Variants in PABPC4L observed in about 807,000 individuals in gnomAD.
PABPC4L encodes polyadenylate-binding protein 4-like.
For missense variants in PABPC4L, 452 were observed against 451.4 expected, an observed-to-expected ratio of 1.00 and a Z score of -0.01; for synonymous variants, 169 against 164.1, an observed-to-expected ratio of 1.03 and a Z score of -0.23.
chr4:133,973,341 T>C, the PABPC4L span, among the ~76,000 whole-genome samples: 21 of 150,944 alleles, frequency 1.4e-4, no homozygotes, highest in East Asian at 4.1e-3. Context: ...TACAAAAATC[T>C]GATGCCCCAT....
chr4:134,072,620 C>T, the PABPC4L span, among the ~76,000 whole-genome samples: 1 of 152,036 alleles, frequency 6.6e-6, no homozygotes, highest in Admixed American at 6.6e-5. Context: ...AGCAGACACC[C>T]ATATATCTTG....
the PABPC4L span, among the ~76,000 whole-genome samples, chr4:134,129,574 C>G: frequency 6.6e-6 from 1 of 151,778 alleles, no homozygotes; most frequent in Non-Finnish European, 1.5e-5. Context: ...TCTGAATGAT[C>G]ATTGGGTCAA....
the PABPC4L span, among the ~76,000 whole-genome samples, chr4:134,073,043 A>G: frequency 1.3e-5 from 2 of 152,016 alleles, no homozygotes; most frequent in Non-Finnish European, 2.9e-5. Flanking sequence ...CCCCTCCCAA[A>G]TCTCATGTCC....
At chr4:134,129,512 A>T in the PABPC4L span, among the ~76,000 whole-genome samples, 1 of 152,192 alleles carries the variant, frequency 6.6e-6, no homozygotes, top group South Asian at 2.1e-4. Context: ...GACATGAACT[A>T]CAAAACGACA....
the PABPC4L span, among the ~76,000 whole-genome samples, chr4:134,081,444 A>G: frequency 6.6e-6 from 1 of 152,178 alleles, no homozygotes; most frequent in Non-Finnish European, 1.5e-5. Flanking sequence ...TTCTCACCAG[A>G]GGCAGTAAGA....
At chr4:134,139,726 C>T in the PABPC4L span, among the ~76,000 whole-genome samples, 689 of 151,008 alleles carry the variant, frequency 4.6e-3, 8 homozygotes, top group African/African-American at 0.016. Flanking sequence ...CAACACTTTG[C>T]TATGCCCAGG....
At chr4:134,063,618 G>T in the PABPC4L span, among the ~76,000 whole-genome samples, 1 of 152,082 alleles carries the variant, frequency 6.6e-6, no homozygotes, top group East Asian at 1.9e-4. Flanking sequence ...CAATGTCAAA[G>T]TTACAAATCA....
chr4:134,100,412 A>G, the PABPC4L span, among the ~76,000 whole-genome samples: 1 of 151,640 alleles, frequency 6.6e-6, no homozygotes, highest in Non-Finnish European at 1.5e-5. Context: ...AGATTCAATG[A>G]ACTAAAACCC....
At chr4:134,084,372 T>A in the PABPC4L span, among the ~76,000 whole-genome samples, 1 of 152,168 alleles carries the variant, frequency 6.6e-6, no homozygotes. Flanking sequence ...TATAATCACT[T>A]GATACATACA....
chr4:133,973,262 A>C, the PABPC4L span, among the ~76,000 whole-genome samples: 2 of 146,280 alleles, frequency 1.4e-5, no homozygotes, highest in African/African-American at 5.5e-5. Context: ...ACAAACAAAG[A>C]AAACAGGAAA....
the PABPC4L span, among the ~76,000 whole-genome samples, chr4:133,982,602 T>C: frequency 1.5e-4 from 23 of 152,102 alleles, no homozygotes; most frequent in South Asian, 8.3e-4. Flanking sequence ...GTAAGAAGTT[T>C]CAAATATTTA....
the PABPC4L span, among the ~76,000 whole-genome samples, chr4:133,974,460 A>C: frequency 1.3e-5 from 2 of 152,142 alleles, no homozygotes; most frequent in African/African-American, 4.8e-5. Flanking sequence ...GGGTTAACCA[A>C]ATGTTTTTTA....
the PABPC4L span, among the ~76,000 whole-genome samples, chr4:134,099,857 C>G: frequency 6.6e-6 from 1 of 151,622 alleles, no homozygotes; most frequent in Admixed American, 6.6e-5. Flanking sequence ...GAATAGAAAC[C>G]GGCAGCAATT....
downstream of PABPC4L, among the ~76,000 whole-genome samples, chr4:134,192,654 T>G (rs1729543877): frequency 6.6e-6 from 1 of 152,112 alleles, no homozygotes; most frequent in Admixed American, 6.6e-5. Flanking sequence ...TAATTTGTCA[T>G]ACAGTCACAC....
At chr4:134,108,166 T>C in the PABPC4L span, among the ~76,000 whole-genome samples, 1 of 151,854 alleles carries the variant, frequency 6.6e-6, no homozygotes, top group East Asian at 1.9e-4. Flanking sequence ...AAGGTACATA[T>C]GCACATGTAC....
At chr4:134,189,453 C>G in the PABPC4L span, among the ~76,000 whole-genome samples, 1 of 151,852 alleles carries the variant, frequency 6.6e-6, no homozygotes, top group Non-Finnish European at 1.5e-5. Context: ...TGTATACATA[C>G]ATATATACAT....
chr4:134,149,285 A>G, the PABPC4L span, among the ~76,000 whole-genome samples: 1 of 152,154 alleles, frequency 6.6e-6, no homozygotes, highest in South Asian at 2.1e-4. Context: ...ATTCAAGAAG[A>G]TTGCAATAAA....
chr4:134,125,398 T>A, the PABPC4L span, among the ~76,000 whole-genome samples: 1 of 152,042 alleles, frequency 6.6e-6, no homozygotes, highest in Non-Finnish European at 1.5e-5. Flanking sequence ...TGCCATGCTG[T>A]TGTGTTGCAC....
At chr4:134,073,137 C>G in the PABPC4L span, among the ~76,000 whole-genome samples, 2 of 152,202 alleles carry the variant, frequency 1.3e-5, no homozygotes, top group African/African-American at 4.8e-5. Context: ...AGTCCAAGTC[C>G]AAAGTCCCAT....
Sources: gnomAD v4.1 joint callset for allele counts (sites outside exome capture counted in the v4.1 genomes callset) on GRCh38, gnomAD v4.1.1 for gene constraint, MANE v1.5 for transcripts, NCBI Gene and HGNC (gene_info 2026-07-23, HGNC 2026-07-21) for gene names.